SLC47A1: variants seen among roughly 807,000 people sequenced by gnomAD.
SLC47A1 encodes multidrug and toxin extrusion protein 1.
SLC47A1 carries 58 observed loss-of-function variants against 65.8 expected under a neutral mutation model. The ratio of observed to expected loss-of-function variants is 0.88; its 90% CI spans 0.71 to 1.10. The LOEUF (loss-of-function observed/expected upper bound fraction) is 1.10. Among genes scored for constraint, SLC47A1 ranks in the 50% least tolerant of loss-of-function variants. The pLI is 0.00. For missense variants in SLC47A1, 706 were observed against 719.2 expected, an observed-to-expected ratio of 0.98 and a Z score of 0.21; for synonymous variants, 285 against 295.0, an observed-to-expected ratio of 0.97 and a Z score of 0.35.
chr17:19,566,521 G>A (rs1415298478), intron 12 of SLC47A1, among the ~76,000 whole-genome samples: 4 of 152,100 alleles, frequency 2.6e-5, no homozygotes, highest in Non-Finnish European at 5.9e-5. Flanking sequence ...TGCCTCCCGG[G>A]TTCAAGCGAT....
intron 7 of SLC47A1, 79 bp downstream of exon 7, chr17:19,555,388 T>C: frequency 6.8e-7 from 1 of 1,469,462 alleles, no homozygotes; most frequent in South Asian, 1.1e-5. Flanking sequence ...GAGTGGGCTC[T>C]TCAGCTGGTT....
chr17:19,537,427 C>A (rs149598149), intron 1 of SLC47A1, among the ~76,000 whole-genome samples: 59 of 152,324 alleles, frequency 3.9e-4, no homozygotes, highest in African/African-American at 1.3e-3. Flanking sequence ...CAGGGGAAGC[C>A]TGGTCAGAGA....
At chr17:19,549,747 A>G in intron 5 of SLC47A1, 70 bp downstream of exon 5, 1 of 1,513,746 alleles carries the variant, frequency 6.6e-7, no homozygotes, top group African/African-American at 1.4e-5. Context: ...CATATCTGTG[A>G]GCTCAGTGTA....
chr17:19,556,995 A>T (rs1916635376), intron 10 of SLC47A1, among the ~76,000 whole-genome samples: 1 of 152,250 alleles, frequency 6.6e-6, no homozygotes, highest in African/African-American at 2.4e-5. Context: ...TTTTGATCAT[A>T]GAGAACACTA....
At chr17:19,568,494 A>G (rs538835636) in intron 14 of SLC47A1, among the ~76,000 whole-genome samples, 1 of 152,356 alleles carries the variant, frequency 6.6e-6, no homozygotes, top group South Asian at 2.1e-4. Flanking sequence ...AGTATAAAAT[A>G]TTAAGGAAAT....
intron 13 of SLC47A1, 88 bp downstream of exon 13, chr17:19,566,947 G>GGAAGATT: frequency 6.3e-7 from 1 of 1,585,758 alleles, no homozygotes; most frequent in South Asian, 1.1e-5. Context: ...AGCATAGGTA[G>GGAAGATT]GAAGATTGAA....
At position 19,560,497 on chromosome 17, in the gene SLC47A1, A is replaced by T. The variant is rs1170772888; in HGVS notation, c.1106+4A>T. The T allele has an allele frequency of 2.5e-6, 4 of 1,613,922 alleles. No homozygotes were observed. The highest frequency in any genetic ancestry group is 3.4e-6 in the Non-Finnish European group (4 of 1,179,882). ...GGTACATTTTTACTACCGACCGGTG[A>T]GTGCTAGGATTTTCTTGAAATGTGA... On this transcript the variant is annotated splice_donor_region_variant and intron_variant, in intron 12 of 16. Transcript: ENST00000270570.
At chr17:19,564,394 A>G (rs997976185) in intron 12 of SLC47A1, 5 of 152,176 alleles carry the variant, frequency 3.3e-5, no homozygotes, top group African/African-American at 1.2e-4. Context: ...AGCAAGGTGC[A>G]GAACATCATA....
chr17:19,574,374 C>T (rs2084423125), intron 16 of SLC47A1, among the ~76,000 whole-genome samples: 1 of 152,268 alleles, frequency 6.6e-6, no homozygotes, highest in South Asian at 2.1e-4. Context: ...TCTCTCTGAC[C>T]TGCATCCTCT....
intron 1 of SLC47A1, among the ~76,000 whole-genome samples, chr17:19,537,867 C>T (rs934728045): frequency 3.9e-5 from 6 of 152,202 alleles, no homozygotes; most frequent in African/African-American, 1.4e-4. Context: ...CTGGAAAGTC[C>T]TCCCCGACAG....
intron 16 of SLC47A1, 55 bp downstream of exon 16, chr17:19,572,916 G>A (rs776092599): frequency 6.7e-5 from 99 of 1,478,888 alleles, no homozygotes; most frequent in Non-Finnish European, 2.8e-5. Flanking sequence ...GGACTGGAGG[G>A]GCTGTTAGTG....
chr17:19,555,137 T>C (rs1916565541), intron 6 of SLC47A1, 75 bp from the exon 7 acceptor site: 3 of 1,358,356 alleles, frequency 2.2e-6, no homozygotes, highest in Non-Finnish European at 3.2e-6. Flanking sequence ...AGCTGGAGCC[T>C]GTGTGTGCTT....
intron 16 of SLC47A1, among the ~76,000 whole-genome samples, chr17:19,573,689 T>C (rs541156981): frequency 6.6e-6 from 1 of 150,870 alleles, no homozygotes. Flanking sequence ...GGCCTGGTTA[T>C]CTTTGATTAT....
chr17:19,552,661 C>T (rs1597500257), intron 6 of SLC47A1, among the ~76,000 whole-genome samples: 2 of 152,268 alleles, frequency 1.3e-5, no homozygotes, highest in South Asian at 4.1e-4. Flanking sequence ...GTAGGAGCCA[C>T]GAGCTGAGAG....
Position 19,578,035 on chromosome 17 carries a change from T to A in SLC47A1, c.*482T>A. The A allele has an allele frequency of 8.7e-7, 1 of 1,154,518 alleles. No individual in the cohort carries two copies. 71.5% of individuals were successfully genotyped at this position (1,154,518 alleles called of 1,614,324 possible). ...TCTTGCTCTGTCATGCAGGCTGGAG[T>A]GCGGTGGTGCGATCATAGCTCACTG... On this transcript the variant is annotated 3_prime_UTR_variant, in exon 17 of 17. Coordinates refer to ENST00000270570, the MANE Select transcript of SLC47A1 (RefSeq NM_018242.3).
At chr17:19,551,327 C>T (rs2289668) in intron 5 of SLC47A1, 97 bp from the exon 6 acceptor site, 64,170 of 1,112,136 alleles carry the variant, frequency 0.058, 2,236 homozygotes, top group East Asian at 0.16. Flanking sequence ...AGAGGGCAGC[C>T]GAACCTTGGC....
rs764677302 is a variant in SLC47A1, at chr17:19,548,077, C to A, written c.399C>A (p.Leu133=). The A allele has an allele frequency of 1.9e-6, 3 of 1,614,114 alleles. No homozygotes were observed. Among genetic ancestry groups the A allele is most frequent in the Non-Finnish European group, 2.5e-6 (3 of 1,180,034 alleles). The change falls in exon 4 of 17, where the codon CTC becomes CTA. Residue 133 remains leucine (L), a synonymous_variant. Coordinates refer to ENST00000270570, the MANE Select transcript of SLC47A1 (RefSeq NM_018242.3). ...LLLCCFPCWA[L]FLNTQHILLL... Reference sequence around the variant, plus strand: ...TCTGCTGCTTCCCCTGCTGGGCGCTCTTTCTCAACACCCAGCACATCCTGC... The same window carrying A: ...TCTGCTGCTTCCCCTGCTGGGCGCTATTTCTCAACACCCAGCACATCCTGC...
chr17:19,542,919 G>A (rs929115150), intron 2 of SLC47A1, among the ~76,000 whole-genome samples: 1 of 151,236 alleles, frequency 6.6e-6, no homozygotes, highest in Non-Finnish European at 1.5e-5. Flanking sequence ...AGACTCCTGA[G>A]TAGCTGGGGT....
At position 19,555,193 on chromosome 17, in the gene SLC47A1, T is replaced by A. The variant is rs375987597; in HGVS notation, c.544-19T>A. 3.7e-6 allele frequency: 6 copies of A among 1,610,462 alleles called. No individual in the cohort carries two copies. Among genetic ancestry groups the A allele is most frequent in the African/African-American group, 1.3e-5 (1 of 74,862 alleles). ...TATTCTGTGGATCTCAAGGATGGCATGCGGTGTCCTTTTTCCAGGGAATTG... is the reference window on the plus strand; with the variant it reads ...TATTCTGTGGATCTCAAGGATGGCAAGCGGTGTCCTTTTTCCAGGGAATTG... On this transcript the variant is annotated intron_variant, in intron 6 of 16. Coordinates refer to ENST00000270570, the MANE Select transcript of SLC47A1 (RefSeq NM_018242.3).
Sources: gnomAD v4.1 joint callset for allele counts (sites outside exome capture counted in the v4.1 genomes callset) on GRCh38, gnomAD v4.1.1 for gene constraint, MANE v1.5 for transcripts, NCBI Gene and HGNC (gene_info 2026-07-23, HGNC 2026-07-21) for gene names.